KIF20B: variants seen among roughly 807,000 people sequenced by gnomAD.
The protein encoded by KIF20B is kinesin family member 20B, also known as kinesin-like protein KIF20B.
In KIF20B, 188 loss-of-function variants were observed where a neutral mutation model predicts 232.5. That is an observed-to-expected ratio of 0.81 (90% confidence interval 0.72 to 0.91). The LOEUF (loss-of-function observed/expected upper bound fraction) is 0.91, where lower values mean the gene tolerates loss of function less well. Among genes scored for constraint, KIF20B ranks in the 40% least tolerant of loss-of-function variants. KIF20B has a pLI of 0.00. For missense variants in KIF20B, 2,154 were observed against 2,055.9 expected, an observed-to-expected ratio of 1.05 and a Z score of -0.92; for synonymous variants, 712 against 683.0, an observed-to-expected ratio of 1.04 and a Z score of -0.66.
At chr10:89,716,375 A>C (rs920750562) in intron 8 of KIF20B, 61 bp from the exon 9 acceptor site, 5 of 721,716 alleles carry the variant, frequency 6.9e-6, no homozygotes, top group Non-Finnish European at 1.1e-5. Context: ...CAAAGAGATT[A>C]CATTGTAGAA....
chr10:89,773,906 TAA>T, intron 32 of KIF20B, 63 bp from the exon 33 acceptor site: 1 of 1,004,970 alleles, frequency 1.0e-6, no homozygotes, highest in South Asian at 1.9e-5. Context: ...TTACTCATTA[TAA>T]ACAAGCTTTT....
chr10:89,755,578 C>T (rs1352635099), intron 26 of KIF20B, among the ~76,000 whole-genome samples: 1 of 150,980 alleles, frequency 6.6e-6, no homozygotes, highest in African/African-American at 2.4e-5. Context: ...CCTTCCCCTT[C>T]CCTTTCCCTT....
intron 6 of KIF20B, among the ~76,000 whole-genome samples, chr10:89,711,665 A>G (rs1407646999): frequency 6.6e-6 from 1 of 151,906 alleles, no homozygotes; most frequent in Non-Finnish European, 1.5e-5. Flanking sequence ...CTTTGTTTTT[A>G]TATGTATGAT....
chr10:89,719,772 G>A, intron 13 of KIF20B, 66 bp downstream of exon 13: 3 of 1,308,508 alleles, frequency 2.3e-6, no homozygotes, highest in Non-Finnish European at 3.1e-6. Flanking sequence ...TAAATCTTAA[G>A]GCTCTCTCTC....
intron 31 of KIF20B, among the ~76,000 whole-genome samples, chr10:89,769,916 AG>A (rs1842433283): frequency 6.6e-6 from 1 of 152,012 alleles, no homozygotes; most frequent in Admixed American, 6.6e-5. Flanking sequence ...AACTAGAAGC[AG>A]GGGGCAGTTA....
chr10:89,707,788 G>A (rs1589849763), intron 2 of KIF20B, among the ~76,000 whole-genome samples: 1 of 152,194 alleles, frequency 6.6e-6, no homozygotes, highest in East Asian at 1.9e-4. Context: ...TTTGTTGTTA[G>A]CGATAGATTT....
chr10:89,726,523 T>C lies in KIF20B; in HGVS notation c.2230+2T>C, dbSNP rs753840124. 17 of 1,570,818 alleles carry C rather than the reference T, an allele frequency of 1.1e-5. 1 individual carries two copies. In the East Asian group the frequency reaches 3.7e-4, roughly 34 times the overall value. ...AAGAGTTAAAAAAGAGAGAAAATGG[T>C]AAGTGGATACATTTTACTTTTATTT... On this transcript the variant is annotated splice_donor_variant, in intron 16 of 32. Transcript: ENST00000371728. LOFTEE classifies it high-confidence loss of function.
chr10:89,716,189 C>T (rs766563642), intron 8 of KIF20B, among the ~76,000 whole-genome samples: 13 of 152,066 alleles, frequency 8.5e-5, no homozygotes, highest in Non-Finnish European at 1.5e-4. Flanking sequence ...TTACTGTATT[C>T]AATTTTCCGT....
At position 89,737,679 on chromosome 10, in the gene KIF20B, A is replaced by G. The variant is rs899616619; in HGVS notation, c.2838A>G (p.Glu946=). Reference sequence around the variant, plus strand: ...CAAATTATGATATTGCAATTGCTGAATTACATGTGCAGAAAAGTAAAAATC... The same window carrying G: ...CAAATTATGATATTGCAATTGCTGAGTTACATGTGCAGAAAAGTAAAAATC... ...IQSNYDIAIA[E]LHVQKSKNQE... The change falls in exon 20 of 33, where the codon GAA becomes GAG. Residue 946 remains glutamate, a synonymous_variant. Coordinates refer to ENST00000371728, the MANE Select transcript of KIF20B (RefSeq NM_001284259.2). 8 of 1,613,110 alleles carry G rather than the reference A, an allele frequency of 5.0e-6. No homozygotes were observed. The Admixed American group carries it at 1.3e-4, about 27-fold the overall frequency.
At chr10:89,742,902 T>A (rs763162535) in intron 21 of KIF20B, among the ~76,000 whole-genome samples, 1 of 151,890 alleles carries the variant, frequency 6.6e-6, no homozygotes, top group East Asian at 1.9e-4. Flanking sequence ...GGGGTTTCAC[T>A]GTGTTAGCCA....
Position 89,740,755 on chromosome 10 carries a change from G to C in KIF20B, c.3915+1659G>C, listed in dbSNP as rs142621252. ...AGCTCACTGTAACTTTGAACTCCTG[G>C]GCTCAAGTGATCCTCCCATCTCAGC... On this transcript the variant is annotated intron_variant, in intron 21 of 32. Transcript: ENST00000371728. 3.9e-3 allele frequency among the ~76,000 whole-genome samples: 598 copies of C among 152,216 alleles called. 6 individuals are homozygous for C. The highest frequency in any genetic ancestry group is 0.014 in the African/African-American group (563 of 41,524).
intron 26 of KIF20B, among the ~76,000 whole-genome samples, chr10:89,757,462 G>C (rs1165625594): frequency 6.6e-6 from 1 of 151,676 alleles, no homozygotes; most frequent in African/African-American, 2.4e-5. Flanking sequence ...TTATGAGTAG[G>C]AGTTCTCATA....
At chr10:89,762,150 G>A (rs944818806) in intron 28 of KIF20B, among the ~76,000 whole-genome samples, 3 of 152,098 alleles carry the variant, frequency 2.0e-5, no homozygotes, top group Non-Finnish European at 4.4e-5. Flanking sequence ...AAGTTGTAAT[G>A]CTTCTTATGA....
intron 24 of KIF20B, among the ~76,000 whole-genome samples, chr10:89,751,697 G>A (rs1842026237): frequency 6.6e-6 from 1 of 151,822 alleles, no homozygotes; most frequent in East Asian, 1.9e-4. Flanking sequence ...GATAACTTAC[G>A]AATTATATAT....
At chr10:89,745,998 C>T (rs1412429843) in intron 23 of KIF20B, 39 bp downstream of exon 23, 2 of 1,473,016 alleles carry the variant, frequency 1.4e-6, no homozygotes, top group East Asian at 2.3e-5. Flanking sequence ...CAGAAAAGTT[C>T]TCTTATTCCC....
At chr10:89,754,806 T>C in intron 26 of KIF20B, 133 bp downstream of exon 26, 2 of 567,660 alleles carry the variant, frequency 3.5e-6, no homozygotes, top group Non-Finnish European at 5.8e-6. Flanking sequence ...CTTTATAAGA[T>C]AACTTCTGAG....
intron 8 of KIF20B, among the ~76,000 whole-genome samples, chr10:89,715,419 A>T (rs1035871930): frequency 1.3e-5 from 2 of 151,306 alleles, no homozygotes; most frequent in Admixed American, 6.6e-5. Context: ...ATTTGTGGTG[A>T]TGGGAAAAGC....
At chr10:89,771,988 C>T (rs1842472754) in intron 31 of KIF20B, among the ~76,000 whole-genome samples, 1 of 151,886 alleles carries the variant, frequency 6.6e-6, no homozygotes, top group South Asian at 2.1e-4. Context: ...CTCTCAAGCC[C>T]AGCTCAGCCC....
rs116725795 is a variant in KIF20B, at chr10:89,761,369, A to T, written c.4791+733A>T. On this transcript the variant is annotated intron_variant, in intron 28 of 32. Transcript: ENST00000371728. ...AGTACTCCAAGGAACACTGAGGAAG[A>T]TGAAATGAATTTTGCCTGAGTGTTT... 3.0e-3 allele frequency among the ~76,000 whole-genome samples: 457 copies of T among 152,226 alleles called. 3 individuals carry two copies. Among genetic ancestry groups the T allele is most frequent in the African/African-American group, 0.01 (428 of 41,540 alleles).
Sources: allele counts gnomAD v4.1 joint callset (sites outside exome capture counted in the v4.1 genomes callset), GRCh38; gene constraint gnomAD v4.1.1; transcripts MANE v1.5; gene names NCBI Gene and HGNC (gene_info 2026-07-23, HGNC 2026-07-21).